LRRTM4: variants seen among roughly 807,000 people sequenced by gnomAD.
The protein encoded by LRRTM4 is leucine-rich repeat transmembrane neuronal protein 4.
Under a neutral mutation model 47.6 loss-of-function variants are expected in LRRTM4, and 25 were observed. The ratio of observed to expected loss-of-function variants is 0.53; its 90% confidence interval spans 0.38 to 0.73. LRRTM4 has a LOEUF of 0.73. Ranked by LOEUF, LRRTM4 falls within the 30% of genes least tolerant of loss-of-function variation. LRRTM4 has a pLI of 0.00. For missense variants in LRRTM4, 638 were observed against 713.4 expected (o/e 0.89, Z 1.20); for synonymous variants, 311 against 269.5 (o/e 1.15, Z -1.51).
At chr2:77,192,436 A>C (rs934606327) in intron 3 of LRRTM4, among the ~76,000 whole-genome samples, 3 of 152,136 alleles carry the variant, frequency 2.0e-5, no homozygotes, top group Non-Finnish European at 4.4e-5. Flanking sequence ...AAAAAAAATT[A>C]GTATGGCATA....
intron 3 of LRRTM4, among the ~76,000 whole-genome samples, chr2:76,980,368 G>T (rs1465629885): frequency 6.6e-6 from 1 of 151,984 alleles, no homozygotes; most frequent in Non-Finnish European, 1.5e-5. Context: ...GTAGTGTCTT[G>T]TATGTATAAA....
At chr2:77,267,528 C>G (rs1219143349) in intron 3 of LRRTM4, among the ~76,000 whole-genome samples, 1 of 152,156 alleles carries the variant, frequency 6.6e-6, no homozygotes. Context: ...TATGAGGGCA[C>G]AGCCCTCATG....
chr2:76,909,287 C>G (rs1170628230), intron 3 of LRRTM4, among the ~76,000 whole-genome samples: 1 of 152,084 alleles, frequency 6.6e-6, no homozygotes, highest in African/African-American at 2.4e-5. Flanking sequence ...AACTGGCTAG[C>G]CATATGTAGA....
At chr2:77,204,184 A>G (rs940644705) in intron 3 of LRRTM4, among the ~76,000 whole-genome samples, 1 of 152,312 alleles carries the variant, frequency 6.6e-6, no homozygotes, top group African/African-American at 2.4e-5. Flanking sequence ...AGCAGAGAAC[A>G]GAAGCACATA....
chr2:76,969,220 T>C (rs937101338), intron 3 of LRRTM4, among the ~76,000 whole-genome samples: 6 of 151,944 alleles, frequency 3.9e-5, no homozygotes, highest in Non-Finnish European at 8.8e-5. Flanking sequence ...CAAGGAGTAA[T>C]AGCATAGACC....
chr2:76,938,100 A>G (rs1675019479), intron 3 of LRRTM4, among the ~76,000 whole-genome samples: 1 of 152,072 alleles, frequency 6.6e-6, no homozygotes, highest in Admixed American at 6.5e-5. Context: ...ATTTTATAAA[A>G]TACTTTCTGA....
At chr2:77,201,825 T>C (rs867118867) in intron 3 of LRRTM4, among the ~76,000 whole-genome samples, 7 of 152,268 alleles carry the variant, frequency 4.6e-5, no homozygotes, top group Middle Eastern at 6.8e-3. Flanking sequence ...CTTCAATTTG[T>C]AGAGTACTTA....
chr2:77,152,496 T>A (rs1226238015), intron 3 of LRRTM4, among the ~76,000 whole-genome samples: 1 of 152,038 alleles, frequency 6.6e-6, no homozygotes, highest in Non-Finnish European at 1.5e-5. Context: ...GCCGGGCTAA[T>A]TTTTTGTGTT....
chr2:77,108,794 G>T lies in LRRTM4; in HGVS notation c.1552-359878C>A, dbSNP rs567403519. ...GAGACGGGGTTTCACCGTTTTAGCC[G>T]GGATGGTCTCGATCTCCTGACCTCG... is the stretch of plus-strand genomic sequence containing the variant. On this transcript the variant is annotated intron_variant, in intron 3 of 3. Transcript: ENST00000409884. 3.0e-3 allele frequency among the ~76,000 whole-genome samples: 451 copies of T among 151,734 alleles called. 3 individuals are homozygous for T. Among genetic ancestry groups the T allele is most frequent in the Non-Finnish European group, 5.3e-3 (359 of 67,882 alleles).
At chr2:76,949,792 T>C (rs1675439236) in intron 3 of LRRTM4, among the ~76,000 whole-genome samples, 1 of 151,962 alleles carries the variant, frequency 6.6e-6, no homozygotes, top group African/African-American at 2.4e-5. Flanking sequence ...GATTTTGGTG[T>C]AAAAATATTT....
chr2:76,778,593 G>T (rs1045599430), intron 3 of LRRTM4, among the ~76,000 whole-genome samples: 18 of 151,968 alleles, frequency 1.2e-4, no homozygotes, highest in Non-Finnish European at 1.8e-4. Context: ...ATTTCTGTGG[G>T]ATCGGTGGTG....
At chr2:76,940,992 T>G (rs1461471937) in intron 3 of LRRTM4, among the ~76,000 whole-genome samples, 1 of 152,184 alleles carries the variant, frequency 6.6e-6, no homozygotes, top group East Asian at 1.9e-4. Flanking sequence ...TTAATTTTCA[T>G]AGTAAAAGCA....
At chr2:77,302,930 A>C (rs1213930714) in intron 3 of LRRTM4, among the ~76,000 whole-genome samples, 1 of 152,180 alleles carries the variant, frequency 6.6e-6, no homozygotes, top group Non-Finnish European at 1.5e-5. Context: ...GGAGGGTAAA[A>C]GAGGAATACA....
intron 3 of LRRTM4, among the ~76,000 whole-genome samples, chr2:76,973,064 A>G (rs942139571): frequency 9.2e-5 from 14 of 152,050 alleles, no homozygotes; most frequent in Admixed American, 2.0e-4. Context: ...CAATGAAAGC[A>G]TGTTTTGACT....
intron 3 of LRRTM4, among the ~76,000 whole-genome samples, chr2:77,278,895 T>G (rs1271131580): frequency 6.6e-6 from 1 of 152,018 alleles, no homozygotes; most frequent in Non-Finnish European, 1.5e-5. Flanking sequence ...CTAGCCTGCA[T>G]AGTGTGCCCT....
chr2:77,198,439 A>C (rs1673886698), intron 3 of LRRTM4, among the ~76,000 whole-genome samples: 1 of 152,178 alleles, frequency 6.6e-6, no homozygotes, highest in African/African-American at 2.4e-5. Context: ...TAAATATGTT[A>C]GCCTCTAATC....
chr2:77,297,434 C>T (rs1677004118), intron 3 of LRRTM4, among the ~76,000 whole-genome samples: 1 of 152,058 alleles, frequency 6.6e-6, no homozygotes, highest in Non-Finnish European at 1.5e-5. Context: ...GCTACTGGTT[C>T]CAATTTAGAA....
intron 3 of LRRTM4, among the ~76,000 whole-genome samples, chr2:76,977,919 C>A (rs752181841): frequency 6.6e-6 from 1 of 151,936 alleles, no homozygotes; most frequent in East Asian, 1.9e-4. Context: ...ATAAATATGT[C>A]TAAGAAAGAA....
chr2:77,053,442 CAG>C (rs1048467216), intron 3 of LRRTM4, among the ~76,000 whole-genome samples: 4 of 151,982 alleles, frequency 2.6e-5, no homozygotes, highest in African/African-American at 9.7e-5. Flanking sequence ...CTAATAATAA[CAG>C]ATCTGTGGAA....
Sources: gnomAD v4.1 joint callset for allele counts (sites outside exome capture counted in the v4.1 genomes callset) on GRCh38, gnomAD v4.1.1 for gene constraint, MANE v1.5 for transcripts, NCBI Gene and HGNC (gene_info 2026-07-23, HGNC 2026-07-21) for gene names.